The following TRPA1 variants were observed in gnomAD, a reference collection of about 807,000 sequenced individuals.
TRPA1 encodes transient receptor potential cation channel subfamily A member 1, also known as ankyrin-like with transmembrane domains 1.
Under a neutral mutation model 131.3 loss-of-function variants are expected in TRPA1, and 129 were observed. The observed-to-expected ratio is 0.98, with a 90% CI of 0.85 to 1.14. The LOEUF is 1.14. TRPA1 is among the 50% of genes most tolerant of loss of function. The probability of loss-of-function intolerance (pLI) is 0.00; values close to 1 mark genes in which losing one functional copy is unlikely to be tolerated. For missense variants in TRPA1, 1,304 were observed against 1,354.2 expected (o/e 0.96, Z 0.58); for synonymous variants, 441 against 451.7 (o/e 0.98, Z 0.30).
intron 17 of TRPA1, among the ~76,000 whole-genome samples, chr8:72,042,036 A>G (rs979992343): frequency 2.0e-5 from 3 of 151,948 alleles, no homozygotes; most frequent in African/African-American, 7.2e-5. Flanking sequence ...CTAAAGCAAA[A>G]GCAGACAAAC....
chr8:72,047,193 G>A lies in TRPA1; in HGVS notation c.1920C>T (p.Phe640=). The A allele has an allele frequency of 6.2e-7, 1 of 1,611,218 alleles. No homozygotes were observed. Among genetic ancestry groups the A allele is most frequent in the Non-Finnish European group, 8.5e-7 (1 of 1,178,024 alleles). The change falls in exon 16 of 27, where the codon TTC becomes TTT. Residue 640 remains phenylalanine (F), a synonymous_variant. Transcript: ENST00000262209. The stretch of plus-strand genomic sequence containing the variant: ...TGTCTTCTGTGGAATGCAACATGCA[G>A]AAATCTAAAAGTACCTTTGAAAGAG... ...LPECMKVLLD[F]CMLHSTEDKS... is the part of the protein sequence containing the mutation.
upstream of TRPA1, among the ~76,000 whole-genome samples, chr8:72,075,775 A>G (rs1806167758): frequency 6.6e-6 from 1 of 152,164 alleles, no homozygotes; most frequent in Non-Finnish European, 1.5e-5. Context: ...GACGGAGTCA[A>G]GCGTGTCAGG....
chr8:72,048,341 T>C (rs542103158), intron 15 of TRPA1, among the ~76,000 whole-genome samples: 1 of 152,100 alleles, frequency 6.6e-6, no homozygotes, highest in South Asian at 2.1e-4. Flanking sequence ...GGGCATCTGG[T>C]GAACCTGTAG....
At chr8:72,034,118 G>T in intron 22 of TRPA1, 130 bp downstream of exon 22, 1 of 1,064,012 alleles carries the variant, frequency 9.4e-7, no homozygotes, top group Non-Finnish European at 1.4e-6. Flanking sequence ...AGATATAGGA[G>T]ATAAAAACTA....
At chr8:72,075,783 A>T (rs1393982745), upstream of TRPA1, among the ~76,000 whole-genome samples, 1 of 151,972 alleles carries the variant, frequency 6.6e-6, no homozygotes, top group Non-Finnish European at 1.5e-5. Flanking sequence ...CAAGCGTGTC[A>T]GGTCGGGGTG....
Position 72,069,607 on chromosome 8 carries a change from A to G in TRPA1, c.269-409T>C, listed in dbSNP as rs1331881566. Among the ~76,000 whole-genome samples, 4 of 152,162 alleles carry G rather than the reference A, an allele frequency of 2.6e-5. No individual in the cohort carries two copies. The East Asian group carries it at 7.7e-4, about 29-fold the overall frequency. ...ATAGCCTGCAAAGTAACACCATGAC[A>G]AATTTTCAGAAGGAGGAAGATGTTG... On this transcript the variant is annotated intron_variant, in intron 2 of 26. Transcript: ENST00000262209.
chr8:72,065,919 A>G (rs2129436390), intron 3 of TRPA1, among the ~76,000 whole-genome samples: 1 of 152,314 alleles, frequency 6.6e-6, no homozygotes, highest in Admixed American at 6.5e-5. Context: ...TGGAGCCATT[A>G]GAAAGTGCTC....
In TRPA1 at chr8:72,071,532, T is replaced by G. The variant is rs542675320; in HGVS notation, c.268+179A>C. Among the ~76,000 whole-genome samples the G allele has an allele frequency of 1.3e-4, 20 of 152,352 alleles. No homozygotes were observed. In the East Asian group the frequency reaches 3.3e-3, roughly 25 times the overall value. On this transcript the variant is annotated intron_variant, in intron 2 of 26. Coordinates refer to ENST00000262209, the MANE Select transcript of TRPA1 (RefSeq NM_007332.3). ...TAGATCTCTGTAATATGCTTTGCAGTATTTCAGTAGAAGAAGTTGAGGAGT... is the reference window on the plus strand; with the variant it reads ...TAGATCTCTGTAATATGCTTTGCAGGATTTCAGTAGAAGAAGTTGAGGAGT...
chr8:72,054,518 T>C lies in TRPA1; in HGVS notation c.1530-651A>G, dbSNP rs1191494320. 2.6e-5 allele frequency: 4 copies of C among 152,986 alleles called. No individual in the cohort carries two copies. The East Asian group carries it at 7.7e-4, about 29-fold the overall frequency. The allele number at this position is 152,986 out of a possible 1,614,324, so 9.5% of individuals were successfully genotyped here. A position where few individuals can be genotyped will look rare whatever the true frequency, so the allele number is the denominator to read the frequency against. On this transcript the variant is annotated intron_variant, in intron 12 of 26. Transcript: ENST00000262209. ...TTTTTCAAATTAGACAGAAAAAAAT[T>C]CTTGACACTATTTAATTTCAGTGCT... is the stretch of plus-strand genomic sequence containing the variant.
upstream of TRPA1, chr8:72,076,478 G>A (rs2129437188): frequency 1.3e-5 from 2 of 152,406 alleles, no homozygotes; most frequent in Middle Eastern, 3.4e-3. Flanking sequence ...ATTATACCTT[G>A]CACAGGACAG....
At chr8:72,064,953 C>A (rs1447058120) in intron 4 of TRPA1, among the ~76,000 whole-genome samples, 2 of 152,190 alleles carry the variant, frequency 1.3e-5, no homozygotes, top group African/African-American at 4.8e-5. Flanking sequence ...TTTGTCATTA[C>A]ATCATACAGG....
At chr8:72,065,279 T>C (rs1162772944) in intron 4 of TRPA1, among the ~76,000 whole-genome samples, 172 bp downstream of exon 4, 1 of 152,198 alleles carries the variant, frequency 6.6e-6, no homozygotes, top group Non-Finnish European at 1.5e-5. Context: ...CAGATCCTCT[T>C]AAGCAGGGAG....
chr8:72,049,240 A>G (rs940307733), intron 15 of TRPA1, among the ~76,000 whole-genome samples: 1 of 152,206 alleles, frequency 6.6e-6, no homozygotes, highest in South Asian at 2.1e-4. Context: ...TTATGTACAA[A>G]CCATTATCCT....
rs1271973842 is a variant in TRPA1 at position 72,071,885 on chromosome 8, C to T, written c.112-18G>A. ...AAAACCACCTAGAGGTATTTAAACA[C>T]CATTATACCAAACAAGCATATGCAA... On this transcript the variant is annotated intron_variant, in intron 1 of 26. Coordinates refer to ENST00000262209, the MANE Select transcript of TRPA1 (RefSeq NM_007332.3). 6.2e-7 allele frequency: 1 copy of T among 1,609,810 alleles called. No individual in the cohort carries two copies.
chr8:72,071,026 C>T (rs1259803789), intron 2 of TRPA1, among the ~76,000 whole-genome samples: 1 of 152,180 alleles, frequency 6.6e-6, no homozygotes, highest in African/African-American at 2.4e-5. Context: ...TGCCCTTTCT[C>T]TTCCCATTTA....
intron 2 of TRPA1, among the ~76,000 whole-genome samples, chr8:72,070,843 T>C (rs1364795206): frequency 6.6e-6 from 1 of 152,216 alleles, no homozygotes; most frequent in African/African-American, 2.4e-5. Flanking sequence ...TTCTGTTGTG[T>C]GCTGGATATT....
chr8:72,033,857 T>C (rs765900389), intron 22 of TRPA1, 31 bp from the exon 23 acceptor site: 1 of 1,601,712 alleles, frequency 6.2e-7, no homozygotes, highest in South Asian at 1.1e-5. Context: ...ACAAATGAAA[T>C]GCAAAGTTTC....
In TRPA1 at chr8:72,061,694, A is replaced by G. The variant is rs1428959549; in HGVS notation, c.875T>C (p.Ile292Thr). 1 of 1,614,004 alleles carries G rather than the reference A, an allele frequency of 6.2e-7. No individual in the cohort carries two copies. Among genetic ancestry groups the G allele is most frequent in the East Asian group, 2.2e-5 (1 of 44,884 alleles). Residue 292 changes from isoleucine (I) to threonine (T), a missense_variant, in exon 7 of 27, where the codon ATA becomes ACA. By Grantham distance (89) the Ile-to-Thr change is moderately conservative. Transcript: ENST00000262209. ...ATCCACGCTACCAGAATAGGACGAT[A>G]TCATCAGTTTAACAATCTCAGTGGC... Reference protein sequence around the residue: ...QGATEIVKLMISSYSGSVDIV... With the variant: ...QGATEIVKLMTSSYSGSVDIV...
intron 8 of TRPA1, 104 bp from the exon 9 acceptor site, chr8:72,057,920 T>TCG (rs1805713747): frequency 4.6e-6 from 4 of 870,312 alleles, no homozygotes; most frequent in Admixed American, 4.0e-5. Context: ...AGTGTCTATA[T>TCG]TATGGCTAGC....
Sources: gnomAD v4.1 joint callset for allele counts (sites outside exome capture counted in the v4.1 genomes callset) on GRCh38, gnomAD v4.1.1 for gene constraint, MANE v1.5 for transcripts, NCBI Gene and HGNC (gene_info 2026-07-23, HGNC 2026-07-21) for gene names.